KYNU: variants seen among roughly 807,000 people sequenced by gnomAD.
The protein encoded by KYNU is kynureninase, also known as L-kynurenine hydrolase.
A neutral mutation model predicts 59.2 loss-of-function variants in KYNU; 54 were observed. The observed-to-expected ratio is 0.91, with a 90% confidence interval of 0.73 to 1.14. The LOEUF is 1.14. Among genes scored for constraint, KYNU ranks in the 50% most tolerant of loss-of-function variants. The pLI, the probability that KYNU is intolerant of heterozygous loss-of-function variation, is 0.00. For synonymous variants in KYNU, 177 were observed against 192.0 expected (o/e 0.92, Z 0.65); for missense variants, 567 against 554.4 (o/e 1.02, Z -0.23).
rs1395636834 is a variant in KYNU, at chr2:142,985,145, A to G, written c.791A>G (p.Asp264Gly). 1.2e-6 allele frequency: 2 copies of G among 1,611,182 alleles called. No individual in the cohort carries two copies. The highest frequency in any genetic ancestry group is 8.5e-7 in the Non-Finnish European group (1 of 1,177,816). The change falls in exon 9 of 14, where the codon GAC becomes GGC. Residue 264 changes from aspartate to glycine, a missense_variant. Physicochemically the swap from Asp to Gly is moderately conservative, Grantham distance 94 (BLOSUM62 -1). Coordinates refer to ENST00000264170, the MANE Select transcript of KYNU (RefSeq NM_003937.3). The stretch of plus-strand genomic sequence containing the variant: ...GGAAATGTTGAACTCTACTTACATG[A>G]CTGGGGAGTTGATTTTGCCTGCTGG... The part of the protein sequence containing the change: ...AVGNVELYLH[D>G]WGVDFACWCS...
At chr2:142,927,210 C>G (rs909728425) in intron 3 of KYNU, among the ~76,000 whole-genome samples, 50 of 152,130 alleles carry the variant, frequency 3.3e-4, no homozygotes, top group Non-Finnish European at 5.7e-4. Context: ...AGTATAATCA[C>G]ATTTTATACA....
chr2:143,004,446 C>A (rs1685805976), intron 10 of KYNU, among the ~76,000 whole-genome samples: 1 of 152,164 alleles, frequency 6.6e-6, no homozygotes, highest in African/African-American at 2.4e-5. Flanking sequence ...AATGGTTGCT[C>A]ACACCTGTAT....
intron 4 of KYNU, among the ~76,000 whole-genome samples, chr2:142,938,339 A>C (rs1683464125): frequency 1.3e-5 from 2 of 152,224 alleles, no homozygotes; most frequent in African/African-American, 2.4e-5. Context: ...AACGATTGAC[A>C]AATTGGGCTG....
chr2:142,885,299 T>C, intron 1 of KYNU, 50 bp from the exon 2 acceptor site: 1 of 1,514,824 alleles, frequency 6.6e-7, no homozygotes, highest in South Asian at 1.2e-5. Flanking sequence ...GGGCTCATTT[T>C]CTACAGGAAA....
chr2:143,007,088 T>C (rs1685932104), intron 10 of KYNU, among the ~76,000 whole-genome samples: 1 of 152,036 alleles, frequency 6.6e-6, no homozygotes. Flanking sequence ...AGAAGAAGGC[T>C]TCAGACGATC....
At chr2:142,989,375 A>G (rs1406232951) in intron 10 of KYNU, 1 of 997,122 alleles carries the variant, frequency 1.0e-6, no homozygotes, top group Non-Finnish European at 1.2e-6. Context: ...TTTCACTGTT[A>G]AAGTGTCCAG....
Position 143,042,193 on chromosome 2 carries a change from T to G in KYNU, c.*21T>G, listed in dbSNP as rs1264336946. 6.2e-7 allele frequency: 1 copy of G among 1,604,276 alleles called. No individual in the cohort carries two copies. On this transcript the variant is annotated 3_prime_UTR_variant, in exon 14 of 14. Coordinates refer to ENST00000264170, the MANE Select transcript of KYNU (RefSeq NM_003937.3). ...ATTAGCAGTGTTTTCTAGAACAACT[T>G]AAGCAAATTATACTGAAAGCTGCTG...
intron 12 of KYNU, among the ~76,000 whole-genome samples, chr2:143,038,480 C>T (rs1215996403): frequency 6.6e-6 from 1 of 152,100 alleles, no homozygotes; most frequent in African/African-American, 2.4e-5. Flanking sequence ...GGAGATGCCT[C>T]CTACCAAGTT....
chr2:142,901,642 G>T (rs759320977), intron 2 of KYNU, among the ~76,000 whole-genome samples: 18 of 152,152 alleles, frequency 1.2e-4, no homozygotes, highest in Admixed American at 4.6e-4. Context: ...TGCTGTGTGG[G>T]CGTAGAGGAC....
intron 10 of KYNU, among the ~76,000 whole-genome samples, chr2:143,010,070 G>T (rs1240285685): frequency 6.9e-6 from 1 of 144,024 alleles, no homozygotes; most frequent in Non-Finnish European, 1.5e-5. Context: ...GGGCAGTTAG[G>T]CAAGAGAAGG....
chr2:142,932,229 TG>T (rs1467480100), intron 4 of KYNU, among the ~76,000 whole-genome samples: 1 of 152,104 alleles, frequency 6.6e-6, no homozygotes, highest in Non-Finnish European at 1.5e-5. Context: ...GAAAGAGTTG[TG>T]GAGTCTTTGG....
intron 10 of KYNU, among the ~76,000 whole-genome samples, chr2:143,022,724 T>G (rs1686443079): frequency 6.6e-6 from 1 of 151,996 alleles, no homozygotes; most frequent in African/African-American, 2.4e-5. Context: ...CTTGCTGGGA[T>G]TAGGATGAAT....
At chr2:142,901,666 T>A (rs1369958120) in intron 2 of KYNU, among the ~76,000 whole-genome samples, 1 of 152,192 alleles carries the variant, frequency 6.6e-6, no homozygotes, top group African/African-American at 2.4e-5. Flanking sequence ...GTAAGAATAC[T>A]TTGAGTCTGT....
rs528431102 is a variant in KYNU at position 142,989,656 on chromosome 2, C to T, written c.902+3635C>T. On this transcript the variant is annotated intron_variant, in intron 10 of 13. Transcript: ENST00000264170. ...ATATGTTGATAGTGCAATAATTGTG[C>T]AGTTTAAGCCTTCAATAAAGAGGTA... 2.7e-5 allele frequency: 7 copies of T among 257,582 alleles called. No individual in the cohort carries two copies. The South Asian group carries it at 1.0e-3, about 38-fold the overall frequency. The allele number at this position is 257,582 out of a possible 1,614,324, so 16.0% of individuals were successfully genotyped here.
intron 2 of KYNU, among the ~76,000 whole-genome samples, chr2:142,912,371 CTTTTT>C (rs60854220): frequency 2.3e-4 from 21 of 89,520 alleles, no homozygotes; most frequent in African/African-American, 7.6e-4. Context: ...TTTTGTATTT[CTTTTT>C]TTTTTTTTTT....
intron 10 of KYNU, among the ~76,000 whole-genome samples, chr2:143,019,534 T>C (rs1686350288): frequency 6.6e-6 from 1 of 152,150 alleles, no homozygotes; most frequent in South Asian, 2.1e-4. Context: ...ATCTTTTTAA[T>C]GTGTTGTTTG....
chr2:142,949,120 A>C (rs189283388), intron 4 of KYNU, among the ~76,000 whole-genome samples: 2 of 152,216 alleles, frequency 1.3e-5, no homozygotes, highest in South Asian at 2.1e-4. Flanking sequence ...GGGTCATGCT[A>C]TGCAAGAGGT....
intron 8 of KYNU, among the ~76,000 whole-genome samples, chr2:142,981,344 A>C (rs1019161652): frequency 6.6e-6 from 1 of 152,180 alleles, no homozygotes; most frequent in Admixed American, 6.6e-5. Flanking sequence ...AAATTGCTTC[A>C]TAAAAGTTGC....
Position 143,047,109 on chromosome 2 carries a change from G to A in KYNU, c.*4937G>A, listed in dbSNP as rs1687178697. On this transcript the variant is annotated 3_prime_UTR_variant, in exon 14 of 14. Transcript: ENST00000264170. The stretch of plus-strand genomic sequence containing the variant: ...AGACAGGGTCTCCCTCTGTCACCCA[G>A]GCTGGAGTGTACTGATGTGATTATA... 1 of 152,124 alleles carries A rather than the reference G, an allele frequency of 6.6e-6. No homozygotes were observed. The highest frequency in any genetic ancestry group is 2.1e-4 in the South Asian group (1 of 4,836). 9.4% of individuals were successfully genotyped at this position (152,124 alleles called of 1,614,324 possible).
Sources: gnomAD v4.1 joint callset for allele counts (sites outside exome capture counted in the v4.1 genomes callset) on GRCh38, gnomAD v4.1.1 for gene constraint, MANE v1.5 for transcripts, NCBI Gene and HGNC (gene_info 2026-07-23, HGNC 2026-07-21) for gene names.